Variants in CENPS observed in about 807,000 individuals in gnomAD.
CENPS encodes the protein FANCM associated histone fold protein 1.
In CENPS, 16 loss-of-function variants were observed where a neutral mutation model predicts 17.9. The ratio of observed to expected loss-of-function variants is 0.90; its 90% CI spans 0.61 to 1.36. The LOEUF is 1.36. Ranked by LOEUF, CENPS falls within the 40% of genes most tolerant of loss-of-function variation. CENPS has a pLI of 0.00. For synonymous variants in CENPS, 49 were observed against 55.8 expected (o/e 0.88, Z 0.54); for missense variants, 160 against 158.6 (o/e 1.01, Z -0.05).
chr1:10,430,507 G>T lies in CENPS; in HGVS notation c.-11G>T. 1 of 1,537,846 alleles carries T rather than the reference G, an allele frequency of 6.5e-7. No individual in the cohort carries two copies. Among genetic ancestry groups the T allele is most frequent in the Non-Finnish European group, 8.8e-7 (1 of 1,142,516 alleles). On this transcript the variant is annotated 5_prime_UTR_variant, in exon 1 of 5. Coordinates refer to ENST00000309048, the MANE Select transcript of CENPS (RefSeq NM_199294.3). ...GGCCCTCCTGCGTTTGCCCAGGGTC[G>T]GCCCGCAGTGATGGAGGAGGAGGCG...
At chr1:10,430,589 G>A (rs897620492) in intron 1 of CENPS, 21 bp downstream of exon 1, 2 of 1,532,630 alleles carry the variant, frequency 1.3e-6, no homozygotes, top group African/African-American at 2.9e-5. Flanking sequence ...ACGGGGGTCG[G>A]GCTGGGCTGG....
chr1:10,430,928 C>T (rs1278307510), intron 1 of CENPS: 6 of 1,252,114 alleles, frequency 4.8e-6, no homozygotes, highest in East Asian at 4.0e-5. Flanking sequence ...AGGTGACGCC[C>T]GTACGCGGTG....
At position 10,430,490 on chromosome 1, in the gene CENPS, T is replaced by A. The variant is rs1490838195; in HGVS notation, c.-28T>A. On this transcript the variant is annotated 5_prime_UTR_variant, in exon 1 of 5. Coordinates refer to ENST00000309048, the MANE Select transcript of CENPS (RefSeq NM_199294.3). ...CACCACCGCCCCTTCTCGGCCCTCC[T>A]GCGTTTGCCCAGGGTCGGCCCGCAG... is the stretch of plus-strand genomic sequence containing the variant. The A allele has an allele frequency of 6.5e-6, 10 of 1,535,240 alleles. No homozygotes were observed. Among genetic ancestry groups the A allele is most frequent in the Admixed American group, 2.0e-5 (1 of 50,010 alleles).
intron 1 of CENPS, among the ~76,000 whole-genome samples, chr1:10,432,198 C>T (rs1639952702): frequency 6.6e-6 from 1 of 152,070 alleles, no homozygotes; most frequent in Admixed American, 6.5e-5. Context: ...GGAGATTCTC[C>T]TGCCTCAGCC....
chr1:10,432,516 G>A (rs1356170464), intron 1 of CENPS, among the ~76,000 whole-genome samples: 2 of 152,172 alleles, frequency 1.3e-5, no homozygotes, highest in East Asian at 1.9e-4. Flanking sequence ...CCCCATTCAT[G>A]TAACCAACTG....
rs1640357895 is a variant in CENPS, at chr1:10,440,432, T to G, written c.276+19T>G. 6.2e-7 allele frequency: 1 copy of G among 1,613,410 alleles called. No individual in the cohort carries two copies. The highest frequency in any genetic ancestry group is 1.3e-5 in the African/African-American group (1 of 75,042). Reference sequence around the variant, plus strand: ...TTCACTGGTGAGAGATGAATTTCTTTCCTCACTCCCCTTTCCCATCGGAAT... The same window carrying G: ...TTCACTGGTGAGAGATGAATTTCTTGCCTCACTCCCCTTTCCCATCGGAAT... On this transcript the variant is annotated intron_variant, in intron 4 of 4. Transcript: ENST00000309048.
At chr1:10,430,806 G>A in intron 1 of CENPS, 4 of 1,352,860 alleles carry the variant, frequency 3.0e-6, no homozygotes, top group Non-Finnish European at 3.8e-6. Context: ...GGGAGCGTGC[G>A]GGCGCCGGGG....
In CENPS at chr1:10,433,410, A is replaced by G. The variant is rs749532173; in HGVS notation, c.52-432A>G. On this transcript the variant is annotated intron_variant, in intron 1 of 4. Coordinates refer to ENST00000309048, the MANE Select transcript of CENPS (RefSeq NM_199294.3). ...GCTGCCAGGGGCTTGCAGCAGAGGGATGGGATCCTTCTGTATTGTTGATTA... is the reference window on the plus strand; with the variant it reads ...GCTGCCAGGGGCTTGCAGCAGAGGGGTGGGATCCTTCTGTATTGTTGATTA... Among the ~76,000 whole-genome samples the G allele has an allele frequency of 1.1e-4, 16 of 152,188 alleles. No homozygotes were observed. The South Asian group carries it at 1.2e-3, about 12-fold the overall frequency.
chr1:10,432,358 T>G (rs1557773803), intron 1 of CENPS, among the ~76,000 whole-genome samples: 1 of 152,222 alleles, frequency 6.6e-6, no homozygotes, highest in Non-Finnish European at 1.5e-5. Flanking sequence ...ATGCTGAGAT[T>G]ACAGGTGTGA....
intron 2 of CENPS, 46 bp from the exon 3 acceptor site, chr1:10,434,611 T>G: frequency 6.2e-7 from 1 of 1,600,538 alleles, no homozygotes; most frequent in Non-Finnish European, 8.5e-7. Context: ...CTTCTGAAAT[T>G]AGATGGGAGG....
At chr1:10,439,930 T>C (rs1640336313) in intron 3 of CENPS, among the ~76,000 whole-genome samples, 1 of 152,146 alleles carries the variant, frequency 6.6e-6, no homozygotes, top group Non-Finnish European at 1.5e-5. Context: ...TTCTCTTTGT[T>C]CTTCTATTTA....
chr1:10,435,022 A>G (rs1301552189), intron 3 of CENPS, among the ~76,000 whole-genome samples: 2 of 152,224 alleles, frequency 1.3e-5, no homozygotes, highest in African/African-American at 4.8e-5. Context: ...TTGATTGCTC[A>G]GGGTTTGAGA....
rs775531844 is a variant in CENPS, at chr1:10,430,502, G to C, written c.-16G>C. On this transcript the variant is annotated 5_prime_UTR_variant, in exon 1 of 5. Transcript: ENST00000309048. ...TTCTCGGCCCTCCTGCGTTTGCCCAGGGTCGGCCCGCAGTGATGGAGGAGG... is the reference window on the plus strand; with the variant it reads ...TTCTCGGCCCTCCTGCGTTTGCCCACGGTCGGCCCGCAGTGATGGAGGAGG... The C allele has an allele frequency of 5.9e-6, 9 of 1,537,964 alleles. No homozygotes were observed. The South Asian group carries it at 6.0e-5, about 10-fold the overall frequency.
At chr1:10,436,567 G>A (rs1449133048) in intron 3 of CENPS, among the ~76,000 whole-genome samples, 7 of 151,128 alleles carry the variant, frequency 4.6e-5, no homozygotes, top group Non-Finnish European at 2.9e-5. Context: ...TTAGCTGGGC[G>A]TGGCAGCATG....
At chr1:10,433,741 G>A in intron 1 of CENPS, 101 bp from the exon 2 acceptor site, 1 of 1,563,242 alleles carries the variant, frequency 6.4e-7, no homozygotes, top group African/African-American at 1.4e-5. Flanking sequence ...GCGCCAGAGG[G>A]ATTGGGCTGA....
rs71571900 is a variant in CENPS, at chr1:10,435,702, AAT to A, written c.209+1026_209+1027del. On this transcript the variant is annotated intron_variant, in intron 3 of 4. Transcript: ENST00000309048. Reference sequence around the variant, plus strand: ...ATGAAAAATTTAAATACTTAAAAATAATATATATATATATACACACACACACA... The same window carrying A: ...ATGAAAAATTTAAATACTTAAAAATAATATATATATATACACACACACACA... 2.8e-3 allele frequency among the ~76,000 whole-genome samples: 412 copies of A among 145,022 alleles called. 4 individuals are homozygous for A. The highest frequency in any genetic ancestry group is 0.019 in the East Asian group (95 of 4,952).
intron 3 of CENPS, 154 bp from the exon 4 acceptor site, chr1:10,440,193 T>C (rs1640347563): frequency 1.0e-6 from 1 of 1,001,890 alleles, no homozygotes; most frequent in Non-Finnish European, 1.4e-6. Flanking sequence ...ACTTCACTAA[T>C]TTTTGTGTCA....
intron 3 of CENPS, among the ~76,000 whole-genome samples, chr1:10,436,109 C>T (rs1263239707): frequency 6.6e-6 from 1 of 151,586 alleles, no homozygotes; most frequent in Non-Finnish European, 1.5e-5. Context: ...TCCTGAGTAG[C>T]TGGGATTACA....
intron 3 of CENPS, among the ~76,000 whole-genome samples, chr1:10,439,610 C>T (rs1306506964): frequency 2.0e-5 from 3 of 152,068 alleles, no homozygotes; most frequent in Non-Finnish European, 2.9e-5. Context: ...GGCATGGTGG[C>T]GGGCGCCTGT....
Sources: gnomAD v4.1 joint callset for allele counts (sites outside exome capture counted in the v4.1 genomes callset) on GRCh38, gnomAD v4.1.1 for gene constraint, MANE v1.5 for transcripts, NCBI Gene and HGNC (gene_info 2026-07-23, HGNC 2026-07-21) for gene names.